The following STXBP4 variants were observed in gnomAD, a reference collection of about 807,000 sequenced individuals.
The protein encoded by STXBP4 is syntaxin-binding protein 4.
Under a neutral mutation model 76.1 loss-of-function variants are expected in STXBP4, and 55 were observed. That is an observed-to-expected ratio of 0.72 (90% CI 0.58 to 0.91). The LOEUF (loss-of-function observed/expected upper bound fraction) is 0.91. Ranked by LOEUF, STXBP4 falls within the 40% of genes least tolerant of loss-of-function variation. STXBP4 has a pLI of 0.00. For synonymous variants in STXBP4, 201 were observed against 220.2 expected, an observed-to-expected ratio of 0.91 and a Z score of 0.77; for missense variants, 618 against 636.9, an observed-to-expected ratio of 0.97 and a Z score of 0.32.
intron 16 of STXBP4, among the ~76,000 whole-genome samples, chr17:55,091,569 A>G (rs2079415073): frequency 6.6e-6 from 1 of 152,152 alleles, no homozygotes; most frequent in Non-Finnish European, 1.5e-5. Context: ...AACACAGTTT[A>G]TTCAGCGTCC....
chr17:55,010,022 C>A (rs2078079176), intron 8 of STXBP4, among the ~76,000 whole-genome samples: 1 of 151,378 alleles, frequency 6.6e-6, no homozygotes, highest in Non-Finnish European at 1.5e-5. Context: ...ATAAATAAGG[C>A]CAATGTGATC....
chr17:55,109,413 G>A (rs1291189592), intron 16 of STXBP4, among the ~76,000 whole-genome samples: 3 of 151,964 alleles, frequency 2.0e-5, no homozygotes, highest in Non-Finnish European at 4.4e-5. Context: ...AAGGCACTAT[G>A]ATTGGTATGA....
chr17:55,187,948 C>T, the STXBP4 span, among the ~76,000 whole-genome samples: 1 of 152,114 alleles, frequency 6.6e-6, no homozygotes, highest in African/African-American at 2.4e-5. Flanking sequence ...GATGCTATGC[C>T]GAACTCTACA....
At chr17:54,970,291 T>C (rs1011378895) in intron 1 of STXBP4, among the ~76,000 whole-genome samples, 1 of 152,156 alleles carries the variant, frequency 6.6e-6, no homozygotes, top group African/African-American at 2.4e-5. Flanking sequence ...GTGATCTGAC[T>C]CACATTTTTG....
chr17:55,095,011 TG>T (rs2079466080), intron 16 of STXBP4, among the ~76,000 whole-genome samples: 2 of 152,176 alleles, frequency 1.3e-5, no homozygotes, highest in Non-Finnish European at 2.9e-5. Flanking sequence ...CATTAAGATA[TG>T]AAGGCACAGC....
intron 11 of STXBP4, among the ~76,000 whole-genome samples, chr17:55,046,419 T>C (rs553172575): frequency 1.4e-4 from 21 of 152,126 alleles, no homozygotes; most frequent in South Asian, 2.1e-4. Flanking sequence ...GAGCAATTCC[T>C]CTGTTCAGGT....
chr17:55,007,265 G>A (rs2078025881), intron 7 of STXBP4, among the ~76,000 whole-genome samples: 1 of 151,760 alleles, frequency 6.6e-6, no homozygotes, highest in South Asian at 2.1e-4. Context: ...CTTGAACCCG[G>A]GAGGCAGACA....
the STXBP4 span, among the ~76,000 whole-genome samples, chr17:55,211,315 C>T: frequency 2.0e-5 from 3 of 152,118 alleles, no homozygotes; most frequent in Non-Finnish European, 4.4e-5. Flanking sequence ...TATGGGCTCA[C>T]TGCAACCTCC....
At chr17:54,990,803 G>A in intron 3 of STXBP4, 22 bp from the exon 4 acceptor site, 1 of 1,583,464 alleles carries the variant, frequency 6.3e-7, no homozygotes, top group Non-Finnish European at 8.5e-7. Flanking sequence ...TAACCTGTGT[G>A]TGCTAATTTA....
chr17:55,009,623 T>C (rs552933048), intron 8 of STXBP4, among the ~76,000 whole-genome samples: 333 of 152,288 alleles, frequency 2.2e-3, no homozygotes, highest in Non-Finnish European at 3.4e-3. Context: ...ATTATTTTTG[T>C]GGAAAAGTAA....
At chr17:55,004,247 G>A (rs141850084) in intron 7 of STXBP4, among the ~76,000 whole-genome samples, 284 of 152,070 alleles carry the variant, frequency 1.9e-3, no homozygotes, top group African/African-American at 6.3e-3. Context: ...CTAATAGCGC[G>A]TAAAGCCTTA....
intron 7 of STXBP4, among the ~76,000 whole-genome samples, chr17:55,005,970 T>C (rs1385558031): frequency 6.6e-6 from 1 of 152,142 alleles, no homozygotes; most frequent in Admixed American, 6.5e-5. Context: ...TGTGTGTATA[T>C]ATATGCATAC....
intron 8 of STXBP4, among the ~76,000 whole-genome samples, chr17:55,010,380 T>C (rs531413151): frequency 6.6e-5 from 10 of 152,240 alleles, no homozygotes; most frequent in South Asian, 4.1e-4. Context: ...GAACTAGTTA[T>C]TTCTTAATTC....
chr17:54,981,751 A>G (rs1053724299), intron 1 of STXBP4, among the ~76,000 whole-genome samples: 25 of 152,154 alleles, frequency 1.6e-4, no homozygotes, highest in African/African-American at 6.0e-4. Flanking sequence ...CCAGAAGAAA[A>G]GGGGGGAAAA....
chr17:55,067,049 C>T (rs1161147742), intron 12 of STXBP4, among the ~76,000 whole-genome samples: 1 of 152,010 alleles, frequency 6.6e-6, no homozygotes, highest in South Asian at 2.1e-4. Context: ...TAAATAAGTT[C>T]CTTAAGGCAG....
At position 55,167,018 on chromosome 17, in the gene STXBP4, GTCTGTTGTTTCTTA is replaced by G. The variant is rs2080380790; in HGVS notation, c.*7117_*7130del. On this transcript the variant is annotated 3_prime_UTR_variant, in exon 18 of 18. Transcript: ENST00000376352. ...GGAAAACAGAATACTGGCCAGGATG[GTCTGTTGTTTCTTA>G]TCTGTTGTTGGCTTTGGGGTATTTT... 1 of 152,196 alleles carries G rather than the reference GTCTGTTGTTTCTTA, an allele frequency of 6.6e-6. No individual in the cohort carries two copies. Among genetic ancestry groups the G allele is most frequent in the Non-Finnish European group, 1.5e-5 (1 of 68,038 alleles). The allele number at this position is 152,196 out of a possible 1,614,324, so 9.4% of individuals were successfully genotyped here. A position where few individuals can be genotyped will look rare whatever the true frequency, so the allele number is the denominator to read the frequency against.
At position 55,016,279 on chromosome 17, in the gene STXBP4, C is replaced by G. The variant is rs181942233; in HGVS notation, c.666+8682C>G. On this transcript the variant is annotated intron_variant, in intron 8 of 17. Transcript: ENST00000376352. ...CACCTGTTTTCTCACCTTTCTTGACCACAAAGAAAGGGGTCCAGAGTGCTG... is the reference window on the plus strand; with the variant it reads ...CACCTGTTTTCTCACCTTTCTTGACGACAAAGAAAGGGGTCCAGAGTGCTG... Among the ~76,000 whole-genome samples the G allele has an allele frequency of 1.4e-3, 211 of 152,194 alleles. 1 individual carries two copies. The highest frequency in any genetic ancestry group is 4.9e-3 in the African/African-American group (202 of 41,526).
At chr17:54,987,989 AAAG>A (rs2077651498) in intron 3 of STXBP4, among the ~76,000 whole-genome samples, 2 of 152,164 alleles carry the variant, frequency 1.3e-5, no homozygotes, top group African/African-American at 4.8e-5. Context: ...TAATAGGAAA[AAAG>A]AGTATATAAT....
chr17:55,065,118 C>A (rs2079035763), intron 12 of STXBP4, among the ~76,000 whole-genome samples: 1 of 152,052 alleles, frequency 6.6e-6, no homozygotes, highest in South Asian at 2.1e-4. Flanking sequence ...CTTTTTCAAT[C>A]AATATTTATT....
Sources: allele counts gnomAD v4.1 joint callset (sites outside exome capture counted in the v4.1 genomes callset), GRCh38; gene constraint gnomAD v4.1.1; transcripts MANE v1.5; gene names NCBI Gene and HGNC (gene_info 2026-07-23, HGNC 2026-07-21).